The following SMARCB1 variants were observed in gnomAD, a reference collection of about 807,000 sequenced individuals.
The protein encoded by SMARCB1 is SWI/SNF-related matrix-associated actin-dependent regulator of chromatin subfamily B member 1.
SMARCB1 carries 5 observed loss-of-function variants against 49.0 expected under a neutral mutation model. The ratio of observed to expected loss-of-function variants is 0.10; its 90% CI spans 0.05 to 0.21. SMARCB1 has a LOEUF of 0.21. SMARCB1 is among the 10% of genes least tolerant of loss of function. The pLI is 1.00. For synonymous variants in SMARCB1, 201 were observed against 200.1 expected (o/e 1.00, Z -0.04); for missense variants, 226 against 509.2 (o/e 0.44, Z 5.35).
At chr22:23,801,289 G>A in intron 4 of SMARCB1, 1 of 773,980 alleles carries the variant, frequency 1.3e-6, no homozygotes, top group Non-Finnish European at 2.2e-6. Context: ...CTGTCACCTT[G>A]CCATGTCCTC....
At chr22:23,811,788 C>G (rs917684612) in intron 5 of SMARCB1, among the ~76,000 whole-genome samples, 1 of 152,042 alleles carries the variant, frequency 6.6e-6, no homozygotes, top group Non-Finnish European at 1.5e-5. Context: ...TCTCAAGAAC[C>G]AAGAGAAACA....
chr22:23,820,894 T>C (rs9608196), intron 6 of SMARCB1, among the ~76,000 whole-genome samples: 17,890 of 150,504 alleles, frequency 0.12, 1,144 homozygotes, highest in South Asian at 0.27. Flanking sequence ...AGGATGAGGC[T>C]GTGTGGGCTA....
chr22:23,801,277 T>A (rs1239237369), intron 4 of SMARCB1, 196 bp downstream of exon 4: 2 of 810,238 alleles, frequency 2.5e-6, no homozygotes, highest in Admixed American at 4.0e-5. Context: ...TGGCTCTGTC[T>A]GCTGTCACCT....
intron 5 of SMARCB1, among the ~76,000 whole-genome samples, chr22:23,806,346 A>G (rs2267033): frequency 0.11 from 16,401 of 152,222 alleles, 924 homozygotes; most frequent in South Asian, 0.17. Flanking sequence ...AATGTAAAAT[A>G]TGATGCCCAC....
At chr22:23,827,130 ACCT>A (rs960763222) in intron 7 of SMARCB1, among the ~76,000 whole-genome samples, 2 of 151,964 alleles carry the variant, frequency 1.3e-5, no homozygotes, top group Admixed American at 1.3e-4. Flanking sequence ...AACACTGAGC[ACCT>A]CCTCCCGCAG....
intron 6 of SMARCB1, 45 bp downstream of exon 6, chr22:23,816,981 G>A (rs773080321): frequency 6.5e-7 from 1 of 1,547,990 alleles, no homozygotes; most frequent in Non-Finnish European, 8.9e-7. Flanking sequence ...TGGCCCTCAG[G>A]GTGGGTGTCA....
In SMARCB1 at chr22:23,801,000, A is replaced by G. The variant is rs757862190; in HGVS notation, c.419A>G (p.His140Arg). 6.2e-7 allele frequency: 1 copy of G among 1,614,064 alleles called. No homozygotes were observed. Among genetic ancestry groups the G allele is most frequent in the Non-Finnish European group, 8.5e-7 (1 of 1,179,980 alleles). The stretch of plus-strand genomic sequence containing the variant: ...GTACCCACCCTGCCCAACAGCTCCC[A>G]CCACTTAGATGCCGTGCCATGCTCC... ...QWVPTLPNSS[H>R]HLDAVPCSTT... The change falls in exon 4 of 9, where the codon CAC (histidine) becomes CGC (arginine). Residue 140 changes from histidine to arginine, a missense_variant. Coordinates refer to ENST00000644036, the MANE Select transcript of SMARCB1 (RefSeq NM_003073.5).
chr22:23,822,745 TC>T (rs1274953865), intron 6 of SMARCB1, among the ~76,000 whole-genome samples: 1 of 151,988 alleles, frequency 6.6e-6, no homozygotes, highest in Admixed American at 6.6e-5. Flanking sequence ...CTGGGACTGT[TC>T]TCCCCCAGGG....
chr22:23,791,653 C>T, intron 1 of SMARCB1, 103 bp from the exon 2 acceptor site: 4 of 1,189,260 alleles, frequency 3.4e-6, no homozygotes, highest in Non-Finnish European at 5.0e-6. Context: ...TGGGGGCCAC[C>T]TCAAGGCCTG....
chr22:23,800,163 A>T (rs1438277440), intron 3 of SMARCB1, among the ~76,000 whole-genome samples: 1 of 152,208 alleles, frequency 6.6e-6, no homozygotes, highest in East Asian at 1.9e-4. Flanking sequence ...TGGTCTGCCC[A>T]TCTTGACCTT....
chr22:23,809,112 C>T (rs1329715382), intron 5 of SMARCB1, among the ~76,000 whole-genome samples: 3 of 151,748 alleles, frequency 2.0e-5, no homozygotes, highest in Middle Eastern at 3.4e-3. Context: ...GGATTACAGA[C>T]GTGAGCCACC....
Position 23,835,076 on chromosome 22 carries a change from T to G in SMARCB1, c.*896T>G. 1 of 1,397,090 alleles carries G rather than the reference T, an allele frequency of 7.2e-7. No individual in the cohort carries two copies. The highest frequency in any genetic ancestry group is 9.3e-7 in the Non-Finnish European group (1 of 1,078,618). The allele number at this position is 1,397,090 out of a possible 1,614,324, so 86.5% of individuals were successfully genotyped here. A position where few individuals can be genotyped will look rare whatever the true frequency, so the allele number is the denominator to read the frequency against. On this transcript the variant is annotated 3_prime_UTR_variant, in exon 9 of 9. Coordinates refer to ENST00000644036, the MANE Select transcript of SMARCB1 (RefSeq NM_003073.5). ...AGCAGGTGCTGTGGCCTGGGCCAGCTCCTGCCTTACAAGCCAGCTGTGAGG... is the reference window on the plus strand; with the variant it reads ...AGCAGGTGCTGTGGCCTGGGCCAGCGCCTGCCTTACAAGCCAGCTGTGAGG...
intron 5 of SMARCB1, among the ~76,000 whole-genome samples, chr22:23,811,599 T>C (rs1283581658): frequency 6.6e-6 from 1 of 152,236 alleles, no homozygotes; most frequent in Non-Finnish European, 1.5e-5. Context: ...CTAAATAATC[T>C]GTGGTTCAAA....
Position 23,816,775 on chromosome 22 carries a change from T to C in SMARCB1, c.634T>C (p.Leu212=), listed in dbSNP as rs1601422533. ...CTTCCCTCTCCTGATTTCAGAGAAG[T>C]TGATGACGCCTGAGATGTTTTCAGA... ...DAFTWNMNEK[L]MTPEMFSEIL... The change falls in exon 6 of 9, where the codon TTG becomes CTG. Residue 212 remains leucine, a synonymous_variant. Coordinates refer to ENST00000644036, the MANE Select transcript of SMARCB1 (RefSeq NM_003073.5). The C allele has an allele frequency of 6.2e-7, 1 of 1,613,712 alleles. No homozygotes were observed.
At chr22:23,822,262 G>A (rs1273346469) in intron 6 of SMARCB1, among the ~76,000 whole-genome samples, 3 of 152,196 alleles carry the variant, frequency 2.0e-5, no homozygotes, top group African/African-American at 7.2e-5. Flanking sequence ...AGGAAGCTGG[G>A]GACATGGTGC....
intron 3 of SMARCB1, among the ~76,000 whole-genome samples, chr22:23,798,243 G>T (rs1928901010): frequency 6.6e-6 from 1 of 152,118 alleles, no homozygotes; most frequent in South Asian, 2.1e-4. Context: ...CCACCTGGGT[G>T]GGGCTCAGGA....
intron 3 of SMARCB1, among the ~76,000 whole-genome samples, chr22:23,796,742 C>T (rs1928772039): frequency 6.6e-6 from 1 of 152,060 alleles, no homozygotes; most frequent in Non-Finnish European, 1.5e-5. Flanking sequence ...TTTTATGGGG[C>T]GATAAAACAG....
At chr22:23,821,177 TGAGA>T (rs1204667999) in intron 6 of SMARCB1, among the ~76,000 whole-genome samples, 1 of 152,192 alleles carries the variant, frequency 6.6e-6, no homozygotes. Context: ...GCTGGCAGGT[TGAGA>T]GACTGTCCCC....
At chr22:23,827,496 CTTCT>C (rs2030444935) in intron 7 of SMARCB1, among the ~76,000 whole-genome samples, 1 of 152,198 alleles carries the variant, frequency 6.6e-6, no homozygotes, top group African/African-American at 2.4e-5. Context: ...AGGCGGGCCC[CTTCT>C]TTATCTCATC....
Sources: gnomAD v4.1 joint callset for allele counts (sites outside exome capture counted in the v4.1 genomes callset) on GRCh38, gnomAD v4.1.1 for gene constraint, MANE v1.5 for transcripts, NCBI Gene and HGNC (gene_info 2026-07-23, HGNC 2026-07-21) for gene names.